Variants in JMJD1C observed in about 807,000 individuals in gnomAD.
JMJD1C encodes jumonji domain containing 1C.
In JMJD1C, 31 loss-of-function variants were observed where a neutral mutation model predicts 245.3. That is an observed-to-expected ratio of 0.13 (90% CI 0.09 to 0.17). JMJD1C has a LOEUF of 0.17. JMJD1C is among the 10% of genes least tolerant of loss of function. The pLI, the probability that JMJD1C is intolerant of heterozygous loss-of-function variation, is 1.00. For missense variants in JMJD1C, 2,691 were observed against 3,000.2 expected (o/e 0.90, Z 2.41); for synonymous variants, 1,057 against 1,017.4 (o/e 1.04, Z -0.74).
chr10:63,190,613 G>A (rs943299855), intron 17 of JMJD1C, among the ~76,000 whole-genome samples: 10 of 152,228 alleles, frequency 6.6e-5, no homozygotes, highest in Middle Eastern at 3.4e-3. Context: ...TTCCATGTGG[G>A]TTTTTCCCTT....
At chr10:63,168,790 TA>T (rs1842077594) in intron 24 of JMJD1C, among the ~76,000 whole-genome samples, 1 of 152,206 alleles carries the variant, frequency 6.6e-6, no homozygotes, top group African/African-American at 2.4e-5. Flanking sequence ...TTTTAAATGA[TA>T]AAAAGAAAAT....
chr10:63,419,361 T>G (rs1056190697), intron 1 of JMJD1C, among the ~76,000 whole-genome samples: 1 of 151,910 alleles, frequency 6.6e-6, no homozygotes. Flanking sequence ...CACTCCAGCC[T>G]GGGCGACAGA....
chr10:63,287,790 G>T (rs546604279), intron 2 of JMJD1C, among the ~76,000 whole-genome samples: 1 of 151,500 alleles, frequency 6.6e-6, no homozygotes, highest in South Asian at 2.1e-4. Flanking sequence ...GCTCTGTTGC[G>T]CAAGCTGGAG....
chr10:63,349,821 G>C (rs970192467), intron 2 of JMJD1C, among the ~76,000 whole-genome samples: 2 of 152,158 alleles, frequency 1.3e-5, no homozygotes, highest in Non-Finnish European at 2.9e-5. Context: ...GAGGAAAATA[G>C]TGATGAATTT....
rs769510538 is a variant in JMJD1C at position 63,184,663 on chromosome 10, A to G, written c.6906T>C (p.His2302=). 1 of 1,614,012 alleles carries G rather than the reference A, an allele frequency of 6.2e-7. No homozygotes were observed. Among genetic ancestry groups the G allele is most frequent in the Non-Finnish European group, 8.5e-7 (1 of 1,179,884 alleles). The change falls in exon 21 of 26, where the codon CAT becomes CAC. Residue 2302 remains histidine, a synonymous_variant. Transcript: ENST00000399262. ...CAGGACGTACAAAAAATCCTGGCAA[A>G]TGAGAGGCCAAATTGAATTTTCCTT... ...NPEGKFNLAS[H]LPGFFVRPDL...
At chr10:63,249,490 G>A (rs761289555) in intron 3 of JMJD1C, among the ~76,000 whole-genome samples, 1 of 152,178 alleles carries the variant, frequency 6.6e-6, no homozygotes, top group Non-Finnish European at 1.5e-5. Context: ...GATCAGTAGG[G>A]TGACTATACA....
chr10:63,188,831 TG>T (rs1010445949), intron 18 of JMJD1C, among the ~76,000 whole-genome samples: 5 of 152,206 alleles, frequency 3.3e-5, no homozygotes, highest in African/African-American at 9.6e-5. Flanking sequence ...ATAGTAGACA[TG>T]GATCTACTAA....
chr10:63,281,546 C>T (rs1207711351), intron 2 of JMJD1C, among the ~76,000 whole-genome samples: 2 of 132,852 alleles, frequency 1.5e-5, no homozygotes, highest in Non-Finnish European at 3.1e-5. Context: ...TCTCGGCTCA[C>T]TGCGACCTCT....
chr10:63,505,248 C>T (rs1206104741), intron 1 of JMJD1C, among the ~76,000 whole-genome samples: 9 of 145,158 alleles, frequency 6.2e-5, no homozygotes, highest in Non-Finnish European at 1.0e-4. Flanking sequence ...ACCAGGGAGG[C>T]GGAGCTTGAA....
At chr10:63,329,707 T>G (rs1437981046) in intron 2 of JMJD1C, among the ~76,000 whole-genome samples, 1 of 152,216 alleles carries the variant, frequency 6.6e-6, no homozygotes, top group South Asian at 2.1e-4. Flanking sequence ...GTAGAAATCA[T>G]ACTTTGAATT....
Position 63,177,710 on chromosome 10 carries a change from C to T in JMJD1C, c.7224+7G>A. ...GGAAGAGATATTATTTGCAAACTAA[C>T]TTATACCTTTTGAAGAAATTCCCTT... On this transcript the variant is annotated splice_region_variant and intron_variant, in intron 23 of 25. Transcript: ENST00000399262. 1.2e-6 allele frequency: 2 copies of T among 1,613,798 alleles called. No homozygotes were observed. The highest frequency in any genetic ancestry group is 1.7e-6 in the Non-Finnish European group (2 of 1,179,850).
chr10:63,496,035 T>TAA (rs1016095824), intron 1 of JMJD1C, among the ~76,000 whole-genome samples: 1 of 113,048 alleles, frequency 8.8e-6, no homozygotes. Context: ...GCAATTGCAC[T>TAA]AAAAAAAAAA....
intron 2 of JMJD1C, among the ~76,000 whole-genome samples, chr10:63,283,138 G>C (rs1022161182): frequency 6.6e-6 from 1 of 152,196 alleles, no homozygotes; most frequent in African/African-American, 2.4e-5. Context: ...ATGTCCAAAA[G>C]CCTTACAAGT....
At chr10:63,453,377 A>G (rs1952193308) in intron 1 of JMJD1C, among the ~76,000 whole-genome samples, 1 of 152,222 alleles carries the variant, frequency 6.6e-6, no homozygotes, top group African/African-American at 2.4e-5. Context: ...AATGAAGAGT[A>G]ATGAACAGAT....
intron 1 of JMJD1C, among the ~76,000 whole-genome samples, chr10:63,445,374 T>C (rs990583649): frequency 6.6e-6 from 1 of 152,144 alleles, no homozygotes; most frequent in Admixed American, 6.5e-5. Context: ...ATGTTAACAT[T>C]TGAACATACT....
chr10:63,290,399 T>G (rs1472014062), intron 2 of JMJD1C, among the ~76,000 whole-genome samples: 1 of 151,966 alleles, frequency 6.6e-6, no homozygotes, highest in Admixed American at 6.6e-5. Context: ...TGAAACCCCG[T>G]CCCTATTAAA....
chr10:63,392,514 A>T (rs984626742), intron 1 of JMJD1C, among the ~76,000 whole-genome samples: 2 of 151,452 alleles, frequency 1.3e-5, no homozygotes, highest in Admixed American at 6.6e-5. Context: ...TCAACAGTTT[A>T]AAAAAAAATC....
intron 1 of JMJD1C, 153 bp downstream of exon 1, chr10:63,465,342 A>G (rs909282527): frequency 1.3e-6 from 1 of 763,822 alleles, no homozygotes; most frequent in African/African-American, 1.8e-5. Flanking sequence ...GACCCAGGCA[A>G]GGGATGCGGG....
intron 2 of JMJD1C, among the ~76,000 whole-genome samples, chr10:63,361,719 TAAAAA>T (rs55879769): frequency 1.8e-4 from 17 of 95,542 alleles, no homozygotes; most frequent in African/African-American, 7.5e-4. Context: ...CTGTCTCAAC[TAAAAA>T]AAAAAAAAAA....
Sources: gnomAD v4.1 joint callset for allele counts (sites outside exome capture counted in the v4.1 genomes callset) on GRCh38, gnomAD v4.1.1 for gene constraint, MANE v1.5 for transcripts, NCBI Gene and HGNC (gene_info 2026-07-23, HGNC 2026-07-21) for gene names.